The following PTPN13 variants were observed in gnomAD, a reference collection of about 807,000 sequenced individuals.
PTPN13 encodes the protein protein tyrosine phosphatase non-receptor type 13.
PTPN13 carries 191 observed loss-of-function variants against 284.0 expected under a neutral mutation model. The observed-to-expected ratio is 0.67, with a 90% CI of 0.60 to 0.76. The LOEUF (loss-of-function observed/expected upper bound fraction) is 0.76. PTPN13 is among the 30% of genes least tolerant of loss of function. The pLI, the probability that PTPN13 is intolerant of heterozygous loss-of-function variation, is 0.00. For synonymous variants in PTPN13, 986 were observed against 1,022.3 expected (o/e 0.96, Z 0.68); for missense variants, 2,797 against 2,939.9 (o/e 0.95, Z 1.12).
At chr4:86,683,336 G>A (rs1729104014) in intron 3 of PTPN13, among the ~76,000 whole-genome samples, 1 of 152,132 alleles carries the variant, frequency 6.6e-6, no homozygotes, top group South Asian at 2.1e-4. Context: ...TAGAATTGCT[G>A]GTGTAGTTCT....
intron 1 of PTPN13, among the ~76,000 whole-genome samples, chr4:86,608,492 G>A (rs1205194175): frequency 6.6e-6 from 1 of 152,024 alleles, no homozygotes; most frequent in Admixed American, 6.6e-5. Context: ...GCTTTACAAA[G>A]ATGATTAGGT....
At chr4:86,684,912 T>C (rs778734371) in intron 3 of PTPN13, among the ~76,000 whole-genome samples, 22 of 152,180 alleles carry the variant, frequency 1.4e-4, no homozygotes, top group Admixed American at 3.9e-4. Flanking sequence ...ATCTTGCTTT[T>C]TGTGTCACAG....
chr4:86,640,604 A>G (rs1463943483), intron 2 of PTPN13, among the ~76,000 whole-genome samples: 1 of 152,218 alleles, frequency 6.6e-6, no homozygotes, highest in Non-Finnish European at 1.5e-5. Context: ...ACAGATGTTC[A>G]GAGGAGGGAG....
chr4:86,741,675 A>C lies in PTPN13; in HGVS notation c.2346A>C (p.Arg782=), dbSNP rs1736185837. The stretch of plus-strand genomic sequence containing the variant: ...CAGAATATGGAGTTCATTTTCACCG[A>C]GTGCACCCTGAGAAGAAGTCACAAA... ...RLTEYGVHFH[R]VHPEKKSQTG... Residue 782 remains arginine, a synonymous_variant, in exon 16 of 48, where the codon CGA becomes CGC. Transcript: ENST00000411767. The C allele has an allele frequency of 1.2e-6, 2 of 1,613,644 alleles. No individual in the cohort carries two copies. The highest frequency in any genetic ancestry group is 1.1e-5 in the South Asian group (1 of 91,038).
At chr4:86,607,164 A>G (rs183498459) in intron 1 of PTPN13, among the ~76,000 whole-genome samples, 1 of 151,860 alleles carries the variant, frequency 6.6e-6, no homozygotes, top group Non-Finnish European at 1.5e-5. Flanking sequence ...TTTTAAAAAA[A>G]GTCTTTAAAT....
At chr4:86,634,371 T>C (rs1722783703) in intron 1 of PTPN13, among the ~76,000 whole-genome samples, 1 of 152,198 alleles carries the variant, frequency 6.6e-6, no homozygotes, top group Non-Finnish European at 1.5e-5. Flanking sequence ...GGATTTTAAC[T>C]AGTTACATTT....
chr4:86,600,182 C>T (rs929874783), intron 1 of PTPN13, among the ~76,000 whole-genome samples: 3 of 151,884 alleles, frequency 2.0e-5, no homozygotes, highest in South Asian at 4.1e-4. Flanking sequence ...CTAAAGAATT[C>T]CCAATGTTTG....
Position 86,789,366 on chromosome 4 carries a change from T to A in PTPN13, c.6345+3430T>A, listed in dbSNP as rs185237705. On this transcript the variant is annotated intron_variant, in intron 40 of 47. Coordinates refer to ENST00000411767, the MANE Select transcript of PTPN13 (RefSeq NM_080683.3). ...ACTCTCCATCACCTGAGGATAATCC[T>A]GCTTGACTGGTTGGATCTTAGGACT... 6.2e-4 allele frequency among the ~76,000 whole-genome samples: 95 copies of A among 152,320 alleles called. 1 individual carries two copies. Among genetic ancestry groups the A allele is most frequent in the Admixed American group, 1.4e-3 (22 of 15,296 alleles).
At chr4:86,615,887 C>G (rs1377701190) in intron 1 of PTPN13, among the ~76,000 whole-genome samples, 1 of 152,172 alleles carries the variant, frequency 6.6e-6, no homozygotes, top group Admixed American at 6.5e-5. Context: ...CCAGCTATTT[C>G]TAAGTCATAG....
intron 40 of PTPN13, among the ~76,000 whole-genome samples, chr4:86,795,525 G>T (rs1227434468): frequency 6.6e-6 from 1 of 152,072 alleles, no homozygotes; most frequent in African/African-American, 2.4e-5. Context: ...TTGACCCAGT[G>T]ATCACATTAC....
At chr4:86,802,626 G>C (rs115245461) in intron 42 of PTPN13, among the ~76,000 whole-genome samples, 2 of 152,150 alleles carry the variant, frequency 1.3e-5, no homozygotes, top group Non-Finnish European at 2.9e-5. Flanking sequence ...GTTAATTGTA[G>C]TTATCAGCCT....
At chr4:86,661,142 C>G (rs1378461941) in intron 2 of PTPN13, 1 of 448,474 alleles carries the variant, frequency 2.2e-6, no homozygotes, top group Non-Finnish European at 4.5e-6. Flanking sequence ...ATGTTCCCTC[C>G]TAGTCAATTC....
At chr4:86,798,900 G>T (rs960753029) in intron 41 of PTPN13, among the ~76,000 whole-genome samples, 2 of 152,102 alleles carry the variant, frequency 1.3e-5, no homozygotes, top group African/African-American at 2.4e-5. Context: ...ATCTGTCCAA[G>T]GATAAATTTT....
chr4:86,807,874 G>C lies in PTPN13; in HGVS notation c.7060G>C (p.Ala2354Pro). The change falls in exon 45 of 48, where the codon GCA becomes CCA. Residue 2354 changes from alanine (A) to proline (P), a missense_variant. Transcript: ENST00000411767. Reference protein sequence around the residue: ...MQQLKGFVVRAMTLEDIQTRE... With the variant: ...MQQLKGFVVRPMTLEDIQTRE... The stretch of plus-strand genomic sequence containing the variant: ...GCAGCTGAAGGGCTTTGTGGTGAGG[G>C]CAATGACCCTTGAAGATATTCAGGT... 6.2e-7 allele frequency: 1 copy of C among 1,613,140 alleles called. No individual in the cohort carries two copies. Among genetic ancestry groups the C allele is most frequent in the Non-Finnish European group, 8.5e-7 (1 of 1,179,334 alleles).
intron 9 of PTPN13, among the ~76,000 whole-genome samples, chr4:86,719,371 A>G (rs896974073): frequency 4.6e-5 from 7 of 152,168 alleles, no homozygotes; most frequent in African/African-American, 7.2e-5. Flanking sequence ...TCTTTATACA[A>G]TCTGTCATTC....
chr4:86,785,094 A>G, intron 38 of PTPN13, 137 bp from the exon 39 acceptor site: 1 of 621,776 alleles, frequency 1.6e-6, no homozygotes, highest in Non-Finnish European at 2.7e-6. Flanking sequence ...AGTGTAAACT[A>G]CTTTTCCAGT....
intron 2 of PTPN13, among the ~76,000 whole-genome samples, chr4:86,654,776 A>G (rs1019933752): frequency 2.8e-4 from 43 of 152,206 alleles, no homozygotes; most frequent in Middle Eastern, 6.8e-3. Context: ...GCAGAGCTGA[A>G]TTCAATTCCT....
intron 1 of PTPN13, among the ~76,000 whole-genome samples, chr4:86,603,872 T>C (rs762317653): frequency 6.6e-6 from 1 of 152,122 alleles, no homozygotes; most frequent in Non-Finnish European, 1.5e-5. Flanking sequence ...GACTAGTTCA[T>C]GGCCATTAAG....
intron 2 of PTPN13, among the ~76,000 whole-genome samples, chr4:86,648,002 T>G (rs1403735612): frequency 6.6e-6 from 1 of 152,102 alleles, no homozygotes; most frequent in African/African-American, 2.4e-5. Context: ...TAAAAAAAAT[T>G]AATAAAACAT....
Sources: gnomAD v4.1 joint callset for allele counts (sites outside exome capture counted in the v4.1 genomes callset) on GRCh38, gnomAD v4.1.1 for gene constraint, MANE v1.5 for transcripts, NCBI Gene and HGNC (gene_info 2026-07-23, HGNC 2026-07-21) for gene names.